The following STRBP variants were observed in gnomAD, a reference collection of about 807,000 sequenced individuals.
STRBP encodes spermatid perinuclear RNA binding protein.
In STRBP, 13 loss-of-function variants were observed where a neutral mutation model predicts 80.1. That is an observed-to-expected ratio of 0.16 (90% confidence interval 0.11 to 0.26). STRBP has a LOEUF of 0.26. Among genes scored for constraint, STRBP ranks in the 10% least tolerant of loss-of-function variants. The pLI is 1.00. For missense variants in STRBP, 485 were observed against 815.2 expected (o/e 0.59, Z 4.93); for synonymous variants, 284 against 291.2 (o/e 0.98, Z 0.25).
intron 13 of STRBP, among the ~76,000 whole-genome samples, chr9:123,141,793 AAC>A (rs2036600359): frequency 6.6e-6 from 1 of 152,252 alleles, no homozygotes; most frequent in African/African-American, 2.4e-5. Context: ...GGAAGTGTCC[AAC>A]ACAGTGTAAC....
intron 2 of STRBP, among the ~76,000 whole-genome samples, chr9:123,201,625 T>G (rs980797841): frequency 1.3e-5 from 2 of 152,226 alleles, no homozygotes; most frequent in Non-Finnish European, 2.9e-5. Context: ...ATACTGGATA[T>G]AATTTCGATT....
chr9:123,159,253 A>C, intron 8 of STRBP, 46 bp from the exon 9 acceptor site: 1 of 1,367,980 alleles, frequency 7.3e-7, no homozygotes. Context: ...CAAGTGTTAA[A>C]AGGATTCCAG....
intron 1 of STRBP, among the ~76,000 whole-genome samples, chr9:123,245,676 C>T (rs561526026): frequency 3.9e-5 from 6 of 152,300 alleles, no homozygotes; most frequent in South Asian, 4.1e-4. Context: ...CCACCACGTC[C>T]GGCCTCAAGC....
At chr9:123,179,270 C>A (rs1251567373) in intron 3 of STRBP, 43 bp from the exon 4 acceptor site, 2 of 1,526,248 alleles carry the variant, frequency 1.3e-6, no homozygotes, top group Admixed American at 3.4e-5. Context: ...ACAAAAGAAA[C>A]ATCACCTGAA....
chr9:123,147,900 A>T, intron 11 of STRBP, 30 bp from the exon 12 acceptor site: 3 of 1,575,510 alleles, frequency 1.9e-6, no homozygotes, highest in Non-Finnish European at 2.6e-6. Context: ...ATTCATTATC[A>T]GTCAAAACAA....
chr9:123,264,803 T>C (rs115052821), intron 1 of STRBP, among the ~76,000 whole-genome samples: 1,941 of 152,272 alleles, frequency 0.013, 42 homozygotes, highest in African/African-American at 0.044. Context: ...CACTGAACAA[T>C]ACATATAATC....
intron 2 of STRBP, among the ~76,000 whole-genome samples, chr9:123,216,165 C>A (rs573391664): frequency 2.6e-5 from 4 of 152,178 alleles, no homozygotes; most frequent in South Asian, 2.1e-4. Context: ...ACCGCTACCC[C>A]CTTCCTAATC....
chr9:123,119,959 A>G (rs2132282722), downstream of STRBP, among the ~76,000 whole-genome samples: 1 of 152,338 alleles, frequency 6.6e-6, no homozygotes, highest in South Asian at 2.1e-4. Context: ...GCTTCAAAGC[A>G]TCAATGGAAT....
chr9:123,162,606 T>TAAAGA (rs2037568917), intron 6 of STRBP, among the ~76,000 whole-genome samples: 2 of 152,180 alleles, frequency 1.3e-5, no homozygotes, highest in Non-Finnish European at 2.9e-5. Context: ...GTGGTTCTCT[T>TAAAGA]TACTGGCCAT....
chr9:123,235,834 A>C (rs1254930024), intron 2 of STRBP, among the ~76,000 whole-genome samples: 2 of 152,166 alleles, frequency 1.3e-5, no homozygotes, highest in Non-Finnish European at 2.9e-5. Flanking sequence ...CGCTCAGCAA[A>C]ATAAACTTCC....
intron 3 of STRBP, among the ~76,000 whole-genome samples, chr9:123,180,039 A>G (rs2038387271): frequency 6.6e-6 from 1 of 152,116 alleles, no homozygotes; most frequent in Admixed American, 6.5e-5. Context: ...GGATCGCTTG[A>G]AGGCCAGAAG....
chr9:123,215,855 C>T (rs1307601807), intron 2 of STRBP, among the ~76,000 whole-genome samples: 1 of 152,082 alleles, frequency 6.6e-6, no homozygotes, highest in Admixed American at 6.5e-5. Flanking sequence ...AACAAGAAGG[C>T]CCTCAGCTTC....
intron 2 of STRBP, among the ~76,000 whole-genome samples, chr9:123,225,938 C>T (rs949336799): frequency 2.0e-5 from 3 of 152,162 alleles, no homozygotes; most frequent in Non-Finnish European, 2.9e-5. Flanking sequence ...TACAATCCAG[C>T]GCTCCCACAC....
chr9:123,212,082 T>G (rs1305118892), intron 2 of STRBP, among the ~76,000 whole-genome samples: 1 of 152,204 alleles, frequency 6.6e-6, no homozygotes, highest in Non-Finnish European at 1.5e-5. Context: ...ATGCAAAACT[T>G]CTTCCTTAAT....
At chr9:123,236,773 T>C (rs773687437) in intron 2 of STRBP, 57 bp downstream of exon 2, 3 of 152,154 alleles carry the variant, frequency 2.0e-5, no homozygotes, top group Non-Finnish European at 4.4e-5. Flanking sequence ...TTTAACCACC[T>C]ATGTCTCGAT....
intron 4 of STRBP, among the ~76,000 whole-genome samples, chr9:123,178,246 A>G (rs971366172): frequency 1.3e-5 from 2 of 152,264 alleles, no homozygotes; most frequent in Non-Finnish European, 2.9e-5. Flanking sequence ...TTTCACTTAC[A>G]AATTATAGCC....
intron 2 of STRBP, among the ~76,000 whole-genome samples, chr9:123,201,955 G>C (rs138147593): frequency 6.6e-6 from 1 of 152,284 alleles, no homozygotes; most frequent in East Asian, 1.9e-4. Context: ...CTTTAGAATT[G>C]TAATATCTTG....
intron 1 of STRBP, among the ~76,000 whole-genome samples, chr9:123,265,192 GTT>G (rs965961040): frequency 8.1e-5 from 12 of 148,886 alleles, no homozygotes; most frequent in African/African-American, 3.0e-4. Flanking sequence ...TTGCTTCCAG[GTT>G]TTTTTTTTAA....
chr9:123,252,859 G>C (rs1480182328), intron 1 of STRBP, among the ~76,000 whole-genome samples: 1 of 152,228 alleles, frequency 6.6e-6, no homozygotes, highest in African/African-American at 2.4e-5. Context: ...CTGAAGGGAA[G>C]TAACATGATT....
Sources: gnomAD v4.1 joint callset for allele counts (sites outside exome capture counted in the v4.1 genomes callset) on GRCh38, gnomAD v4.1.1 for gene constraint, MANE v1.5 for transcripts, NCBI Gene and HGNC (gene_info 2026-07-23, HGNC 2026-07-21) for gene names.